Variants in PCLO observed in about 807,000 individuals in gnomAD.
PCLO encodes protein piccolo.
Under a neutral mutation model 427.5 loss-of-function variants are expected in PCLO, and 82 were observed. That is an observed-to-expected ratio of 0.19 (90% CI 0.16 to 0.23). The LOEUF is 0.23. Among genes scored for constraint, PCLO ranks in the 10% least tolerant of loss-of-function variants. The pLI is 1.00. For missense variants in PCLO, 6,239 were observed against 6,115.9 expected (o/e 1.02, Z -0.67); for synonymous variants, 2,357 against 2,155.4 (o/e 1.09, Z -2.59).
At chr7:82,858,907 A>G (rs1792878533) in intron 10 of PCLO, among the ~76,000 whole-genome samples, 1 of 152,214 alleles carries the variant, frequency 6.6e-6, no homozygotes, top group Non-Finnish European at 1.5e-5. Context: ...TCTGCAGATT[A>G]AATGCAATCC....
chr7:82,837,085 T>A (rs1395808972), intron 15 of PCLO, among the ~76,000 whole-genome samples: 2 of 152,050 alleles, frequency 1.3e-5, no homozygotes, highest in Admixed American at 6.6e-5. Flanking sequence ...ATTTGAAAAA[T>A]TTAAAATTAT....
intron 3 of PCLO, among the ~76,000 whole-genome samples, chr7:83,066,155 C>T (rs1254883973): frequency 6.6e-6 from 1 of 152,020 alleles, no homozygotes; most frequent in Non-Finnish European, 1.5e-5. Context: ...TATTGCTAAC[C>T]CAATGACTTC....
chr7:82,898,429 C>A (rs141178577), intron 9 of PCLO, among the ~76,000 whole-genome samples: 84 of 151,360 alleles, frequency 5.5e-4, no homozygotes, highest in African/African-American at 1.9e-3. Flanking sequence ...TAAATTTTTT[C>A]TTTTATTTGC....
In PCLO at chr7:82,953,549, C is replaced by G. The variant is rs764376337; in HGVS notation, c.7404G>C (p.Leu2468=). 1 of 1,613,092 alleles carries G rather than the reference C, an allele frequency of 6.2e-7. No individual in the cohort carries two copies. Among genetic ancestry groups the G allele is most frequent in the African/African-American group, 1.3e-5 (1 of 74,750 alleles). Reference sequence around the variant, plus strand: ...TTGTAACAGGTAATCCATTACTTCTCAGAACAGCTGTGGTCTCTAGAGTAG... The same window carrying G: ...TTGTAACAGGTAATCCATTACTTCTGAGAACAGCTGTGGTCTCTAGAGTAG... ...AVTTLETTAV[L]RSNGLPVTRI... The change falls in exon 5 of 25, where the codon CTG becomes CTC. Residue 2468 remains leucine, a synonymous_variant. Coordinates refer to ENST00000333891, the MANE Select transcript of PCLO (RefSeq NM_033026.6).
At chr7:83,137,443 T>TTC (rs1791757679) in intron 2 of PCLO, among the ~76,000 whole-genome samples, 2 of 151,932 alleles carry the variant, frequency 1.3e-5, no homozygotes, top group Admixed American at 6.5e-5. Flanking sequence ...TTCATTCATT[T>TTC]ATTTAGAGAT....
At chr7:83,049,273 C>A (rs1258155690) in intron 3 of PCLO, among the ~76,000 whole-genome samples, 1 of 152,092 alleles carries the variant, frequency 6.6e-6, no homozygotes, top group Non-Finnish European at 1.5e-5. Flanking sequence ...AGGCATGATA[C>A]AAAAGCACTT....
chr7:82,855,682 G>T (rs1207223782), intron 10 of PCLO, among the ~76,000 whole-genome samples: 2 of 152,128 alleles, frequency 1.3e-5, no homozygotes, highest in Non-Finnish European at 2.9e-5. Flanking sequence ...AATAAAATTT[G>T]ATTGGGTCTC....
chr7:83,001,538 T>C (rs996647433), intron 3 of PCLO, among the ~76,000 whole-genome samples: 1 of 139,032 alleles, frequency 7.2e-6, no homozygotes, highest in Admixed American at 7.1e-5. Context: ...ACAAAGGAAG[T>C]AAGAAAGAAA....
chr7:83,087,780 A>G (rs12707554), intron 3 of PCLO, among the ~76,000 whole-genome samples: 74,257 of 151,852 alleles, frequency 0.49, 18,297 homozygotes, highest in African/African-American at 0.51. Context: ...GATTGATTCT[A>G]TTAAATTATG....
intron 4 of PCLO, among the ~76,000 whole-genome samples, chr7:82,959,153 G>A (rs944792901): frequency 9.9e-5 from 15 of 151,950 alleles, no homozygotes; most frequent in Admixed American, 8.5e-4. Flanking sequence ...TGCCACCTCC[G>A]CCTCCTGGGT....
chr7:82,835,291 G>C (rs1223557649), intron 16 of PCLO, among the ~76,000 whole-genome samples: 1 of 151,958 alleles, frequency 6.6e-6, no homozygotes, highest in Non-Finnish European at 1.5e-5. Flanking sequence ...AATTACTTTT[G>C]AAAAATGGCT....
intron 13 of PCLO, among the ~76,000 whole-genome samples, chr7:82,844,409 T>C (rs553016733): frequency 1.3e-5 from 2 of 152,308 alleles, no homozygotes; most frequent in South Asian, 2.1e-4. Flanking sequence ...GTCAACCTAC[T>C]TTTGTTGTTT....
intron 6 of PCLO, among the ~76,000 whole-genome samples, chr7:82,930,332 G>A (rs980992114): frequency 1.3e-5 from 2 of 152,140 alleles, no homozygotes; most frequent in Non-Finnish European, 2.9e-5. Flanking sequence ...AAACTACAGA[G>A]TGATATAACA....
At chr7:82,939,056 G>T (rs1795020185) in intron 6 of PCLO, among the ~76,000 whole-genome samples, 1 of 151,932 alleles carries the variant, frequency 6.6e-6, no homozygotes, top group African/African-American at 2.4e-5. Context: ...TTGCAATACT[G>T]TCTGCCCGCG....
Position 82,822,579 on chromosome 7 carries a change from T to C in PCLO, c.14707A>G (p.Ser4903Gly), listed in dbSNP as rs370977080. 6 of 1,613,794 alleles carry C rather than the reference T, an allele frequency of 3.7e-6. No homozygotes were observed. The African/African-American group carries it at 6.7e-5, about 18-fold the overall frequency. Residue 4903 changes from serine to glycine, a missense_variant, in exon 20 of 25, where the codon AGC becomes GGC. Around this residue, in one of 5 missense-constraint regions of PCLO, gnomAD observed 877 missense variants for 925.5 expected, o/e 0.95. Coordinates refer to ENST00000333891, the MANE Select transcript of PCLO (RefSeq NM_033026.6). Reference protein sequence around the residue: ...HGPSRSQSKTSVTQTHLEDAG... With the variant: ...HGPSRSQSKTGVTQTHLEDAG... Reference sequence around the variant, plus strand: ...TCTTCCAGGTGGGTCTGAGTGACGCTGGTTTTGCTTTGACTGCGAGATGGT... The same window carrying C: ...TCTTCCAGGTGGGTCTGAGTGACGCCGGTTTTGCTTTGACTGCGAGATGGT...
chr7:82,948,739 T>C (rs1416921652), intron 6 of PCLO, among the ~76,000 whole-genome samples: 17 of 152,172 alleles, frequency 1.1e-4, no homozygotes, highest in Admixed American at 6.5e-5. Context: ...CCTTGAAGCA[T>C]ACCTATATAT....
Position 82,949,811 on chromosome 7 carries a change from G to A in PCLO, c.10777C>T (p.Pro3593Ser), listed in dbSNP as rs936239821. ...GAATAACCAATCTCTAAAGGTGTTG[G>A]GCGTTTCTTGTCTTTGGGTGGAGAT... ...ATSPPKDKKR[P>S]TPLEIGYSSH... Residue 3593 changes from proline to serine, a missense_variant, in exon 6 of 25, where the codon CCA becomes TCA. Around this residue, in one of 5 missense-constraint regions of PCLO, gnomAD observed 4,677 missense variants for 4,468.4 expected, o/e 1.05. Transcript: ENST00000333891. 1 of 1,613,714 alleles carries A rather than the reference G, an allele frequency of 6.2e-7. No homozygotes were observed. The highest frequency in any genetic ancestry group is 1.3e-5 in the African/African-American group (1 of 74,936).
intron 6 of PCLO, among the ~76,000 whole-genome samples, chr7:82,937,101 T>G (rs1794973555): frequency 6.6e-6 from 1 of 151,830 alleles, no homozygotes; most frequent in Non-Finnish European, 1.5e-5. Flanking sequence ...CATTAAAATA[T>G]ACTGAATTTG....
chr7:82,797,936 T>C (rs188010731), intron 22 of PCLO, among the ~76,000 whole-genome samples: 1 of 152,116 alleles, frequency 6.6e-6, no homozygotes, highest in South Asian at 2.1e-4. Flanking sequence ...ACTTGCTTAA[T>C]AAGAATAACA....
Sources: gnomAD v4.1 joint callset for allele counts (sites outside exome capture counted in the v4.1 genomes callset) on GRCh38, gnomAD v4.1.1 for gene constraint, gnomAD v4.1.1 regional missense constraint, MANE v1.5 for transcripts, NCBI Gene and HGNC (gene_info 2026-07-23, HGNC 2026-07-21) for gene names.